The following STXBP5 variants were observed in gnomAD, a reference collection of about 807,000 sequenced individuals.
STXBP5 encodes syntaxin-binding protein 5.
A neutral mutation model predicts 152.4 loss-of-function variants in STXBP5; 50 were observed. That is an observed-to-expected ratio of 0.33 (90% CI 0.26 to 0.42). The LOEUF is 0.42. STXBP5 is among the 10% of genes least tolerant of loss of function. STXBP5 has a pLI of 1.00. For synonymous variants in STXBP5, 492 were observed against 494.7 expected (o/e 0.99, Z 0.07); for missense variants, 1,167 against 1,388.6 (o/e 0.84, Z 2.54).
At chr6:147,335,623 T>C (rs573568932) in intron 19 of STXBP5, among the ~76,000 whole-genome samples, 1 of 152,220 alleles carries the variant, frequency 6.6e-6, no homozygotes, top group South Asian at 2.1e-4. Flanking sequence ...TAAGTATATA[T>C]TTAAATCTAA....
At chr6:147,255,283 A>G (rs1447775026) in intron 4 of STXBP5, among the ~76,000 whole-genome samples, 2 of 152,214 alleles carry the variant, frequency 1.3e-5, no homozygotes, top group Non-Finnish European at 1.5e-5. Context: ...ACAGAAGTGA[A>G]CATGATACGC....
rs79022860 is a variant in STXBP5 at position 147,239,759 on chromosome 6, G to A, written c.431+489G>A. Reference sequence around the variant, plus strand: ...TCTGCTGTTCATTTTACTCTGTTGTGATGTTATGTTACATATGTCTTTGTC... The same window carrying A: ...TCTGCTGTTCATTTTACTCTGTTGTAATGTTATGTTACATATGTCTTTGTC... On this transcript the variant is annotated intron_variant, in intron 4 of 27. Transcript: ENST00000321680. Among the ~76,000 whole-genome samples, 1,081 of 152,204 alleles carry A rather than the reference G, an allele frequency of 7.1e-3. 13 individuals carry two copies. Among genetic ancestry groups the A allele is most frequent in the African/African-American group, 0.025 (1,039 of 41,510 alleles).
chr6:147,240,562 G>C (rs1201884348), intron 4 of STXBP5, among the ~76,000 whole-genome samples: 1 of 151,948 alleles, frequency 6.6e-6, no homozygotes, highest in South Asian at 2.1e-4. Flanking sequence ...TTCTCAAGTG[G>C]CTACTTTTTT....
Position 147,310,111 on chromosome 6 carries a change from T to G in STXBP5, c.945T>G (p.Gly315=), listed in dbSNP as rs754487040. Residue 315 remains glycine (G), a synonymous_variant, in exon 10 of 28, where the codon GGT becomes GGG. Coordinates refer to ENST00000321680, the MANE Select transcript of STXBP5 (RefSeq NM_001127715.4). ...SGEPFIILSG[G]LSYDTVGRRP... ...AGCCTTTTATTATTTTATCAGGAGGTTTGTCATATGATACTGTAGGAAGAA... is the reference window on the plus strand; with the variant it reads ...AGCCTTTTATTATTTTATCAGGAGGGTTGTCATATGATACTGTAGGAAGAA... 2 of 1,563,442 alleles carry G rather than the reference T, an allele frequency of 1.3e-6. No individual in the cohort carries two copies. The highest frequency in any genetic ancestry group is 4.7e-5 in the East Asian group (2 of 42,812).
At chr6:147,363,763 A>G (rs1785171817) in intron 24 of STXBP5, 59 bp downstream of exon 24, 1 of 1,527,670 alleles carries the variant, frequency 6.5e-7, no homozygotes, top group Non-Finnish European at 8.7e-7. Flanking sequence ...AAACTATACT[A>G]CAGAATTGTT....
intron 4 of STXBP5, among the ~76,000 whole-genome samples, chr6:147,253,494 C>G (rs562488185): frequency 1.3e-5 from 2 of 152,218 alleles, no homozygotes; most frequent in East Asian, 3.9e-4. Flanking sequence ...GATATTCAAA[C>G]AGGAAGACAG....
chr6:147,214,146 T>C (rs1777039612), intron 2 of STXBP5, among the ~76,000 whole-genome samples: 1 of 152,176 alleles, frequency 6.6e-6, no homozygotes, highest in South Asian at 2.1e-4. Flanking sequence ...TACAATACAA[T>C]TATTTTGCAC....
In STXBP5 at chr6:147,387,297, G is replaced by T. The variant is rs561242249; in HGVS notation, c.*2542G>T. The T allele has an allele frequency of 6.6e-6, 1 of 151,182 alleles. No individual in the cohort carries two copies. Among genetic ancestry groups the T allele is most frequent in the African/African-American group, 2.4e-5 (1 of 41,352 alleles). The allele number at this position is 151,182 out of a possible 1,614,324, so 9.4% of individuals were successfully genotyped here. A position where few individuals can be genotyped will look rare whatever the true frequency, so the allele number is the denominator to read the frequency against. ...AAAGTAATAGTCACCAGCAAGCCAC[G>T]ATTTCAGGAAAACTGACTAAAAAAA... On this transcript the variant is annotated 3_prime_UTR_variant, in exon 28 of 28. Transcript: ENST00000321680.
At chr6:147,318,968 T>C (rs1582937521) in intron 16 of STXBP5, among the ~76,000 whole-genome samples, 1 of 152,320 alleles carries the variant, frequency 6.6e-6, no homozygotes, top group East Asian at 1.9e-4. Context: ...GGAGCTTCTT[T>C]TAAGTTGGTG....
chr6:147,327,970 A>G (rs943418095), intron 18 of STXBP5, among the ~76,000 whole-genome samples: 1 of 152,266 alleles, frequency 6.6e-6, no homozygotes, highest in Non-Finnish European at 1.5e-5. Flanking sequence ...AAAAAAGGAA[A>G]ATGCAAAAGT....
intron 8 of STXBP5, among the ~76,000 whole-genome samples, chr6:147,282,445 G>A (rs1203628160): frequency 3.9e-5 from 6 of 152,162 alleles, no homozygotes; most frequent in Non-Finnish European, 8.8e-5. Flanking sequence ...ACCTTGTGGA[G>A]ATTCCTTTTC....
chr6:147,350,761 T>A (rs936779356), intron 21 of STXBP5, among the ~76,000 whole-genome samples: 1 of 149,306 alleles, frequency 6.7e-6, no homozygotes, highest in African/African-American at 2.6e-5. Flanking sequence ...ATATCTCACC[T>A]TATTATTAAC....
chr6:147,234,945 A>G (rs1778193941), intron 2 of STXBP5, among the ~76,000 whole-genome samples: 1 of 152,072 alleles, frequency 6.6e-6, no homozygotes, highest in Non-Finnish European at 1.5e-5. Context: ...TTATTTTAAG[A>G]TGAAGAAAAT....
At chr6:147,322,262 T>C (rs922964613) in intron 16 of STXBP5, among the ~76,000 whole-genome samples, 6 of 152,210 alleles carry the variant, frequency 3.9e-5, no homozygotes, top group African/African-American at 1.4e-4. Flanking sequence ...AATGCCTCAG[T>C]TGTTACTCTG....
chr6:147,355,245 C>G (rs1216032692), intron 22 of STXBP5, among the ~76,000 whole-genome samples: 1 of 152,008 alleles, frequency 6.6e-6, no homozygotes, highest in Non-Finnish European at 1.5e-5. Flanking sequence ...GTTTCTTACC[C>G]TGATTTTTAC....
intron 8 of STXBP5, among the ~76,000 whole-genome samples, chr6:147,281,827 G>C (rs1780716973): frequency 6.6e-6 from 1 of 152,134 alleles, no homozygotes; most frequent in Non-Finnish European, 1.5e-5. Flanking sequence ...ATATAACATG[G>C]GATTTTGAAG....
rs1164715584 is a variant in STXBP5 at position 147,275,657 on chromosome 6, A to G, written c.715-2424A>G. On this transcript the variant is annotated intron_variant, in intron 7 of 27. Transcript: ENST00000321680. ...ACTGCAAGCTCCACCTCCCGGGTTC[A>G]CGCCATTCTCCTGCCTCAGCCTCCC... 6.4e-5 allele frequency among the ~76,000 whole-genome samples: 9 copies of G among 139,570 alleles called. 1 individual carries two copies. The South Asian group carries it at 1.8e-3, about 28-fold the overall frequency. The allele number at this position is 139,570 out of a possible 152,430, so 91.6% of individuals were successfully genotyped here.
rs116275413 is a variant in STXBP5, at chr6:147,213,190, A to T, written c.248+7122A>T. ...ACTATAGGTTTGAGTATCACTAAAG[A>T]TAAGCTTAATTGTTGGATCAATTTG... On this transcript the variant is annotated intron_variant, in intron 2 of 27. Coordinates refer to ENST00000321680, the MANE Select transcript of STXBP5 (RefSeq NM_001127715.4). Among the ~76,000 whole-genome samples, 1,230 of 152,266 alleles carry T rather than the reference A, an allele frequency of 8.1e-3. 20 individuals carry two copies. The highest frequency in any genetic ancestry group is 0.028 in the African/African-American group (1,181 of 41,550).
intron 9 of STXBP5, among the ~76,000 whole-genome samples, chr6:147,293,978 C>CA (rs1291993788): frequency 4.0e-5 from 6 of 151,798 alleles, no homozygotes; most frequent in Non-Finnish European, 8.8e-5. Context: ...CAAATTCTGA[C>CA]AAAAAATGGA....
Sources: gnomAD v4.1 joint callset for allele counts (sites outside exome capture counted in the v4.1 genomes callset) on GRCh38, gnomAD v4.1.1 for gene constraint, MANE v1.5 for transcripts, NCBI Gene and HGNC (gene_info 2026-07-23, HGNC 2026-07-21) for gene names.